Variants in ULK4 observed in about 807,000 individuals in gnomAD.
ULK4 encodes unc-51 like kinase 4, also known as inactive serine/threonine-protein kinase ULK4.
ULK4 carries 133 observed loss-of-function variants against 160.6 expected under a neutral mutation model. The ratio of observed to expected loss-of-function variants is 0.83; its 90% CI spans 0.72 to 0.96. The LOEUF is 0.96. Ranked by LOEUF, ULK4 falls within the 40% of genes least tolerant of loss-of-function variation. The pLI, the probability that ULK4 is intolerant of heterozygous loss-of-function variation, is 0.00. For missense variants in ULK4, 1,580 were observed against 1,499.5 expected, an observed-to-expected ratio of 1.05 and a Z score of -0.89; for synonymous variants, 534 against 539.8, an observed-to-expected ratio of 0.99 and a Z score of 0.15.
chr3:41,352,893 G>C (rs979966395), intron 35 of ULK4, among the ~76,000 whole-genome samples: 3 of 152,044 alleles, frequency 2.0e-5, no homozygotes, highest in African/African-American at 7.2e-5. Flanking sequence ...AAAAAAGCAG[G>C]GCACATGCAT....
At chr3:41,850,726 A>G (rs1330599378) in intron 17 of ULK4, among the ~76,000 whole-genome samples, 2 of 152,114 alleles carry the variant, frequency 1.3e-5, no homozygotes, top group East Asian at 3.9e-4. Context: ...TCAGATGAGT[A>G]GGTTGCAAAA....
At chr3:41,742,254 A>G (rs2038265322) in intron 22 of ULK4, among the ~76,000 whole-genome samples, 1 of 152,000 alleles carries the variant, frequency 6.6e-6, no homozygotes, top group African/African-American at 2.4e-5. Flanking sequence ...TGCAAAGTGG[A>G]AGCAGTAACA....
chr3:41,675,640 C>A (rs1265511936), intron 29 of ULK4, among the ~76,000 whole-genome samples: 2 of 152,048 alleles, frequency 1.3e-5, no homozygotes, highest in Non-Finnish European at 2.9e-5. Context: ...GATTTAGGAT[C>A]GGCCCTAAAT....
intron 35 of ULK4, among the ~76,000 whole-genome samples, chr3:41,367,905 G>A: frequency 6.6e-6 from 1 of 152,028 alleles, no homozygotes; most frequent in East Asian, 1.9e-4. Context: ...ATACATATAT[G>A]TCATGTGTGT....
chr3:41,264,029 A>G (rs1372347910), intron 35 of ULK4, among the ~76,000 whole-genome samples: 2 of 152,212 alleles, frequency 1.3e-5, no homozygotes, highest in Non-Finnish European at 2.9e-5. Flanking sequence ...AGAGAAGAAC[A>G]ATGGTGTGAG....
chr3:41,317,481 T>TGATATTATTGATAAC, intron 35 of ULK4, among the ~76,000 whole-genome samples: 1 of 152,228 alleles, frequency 6.6e-6, no homozygotes, highest in East Asian at 1.9e-4. Flanking sequence ...TTATTGATAA[T>TGATATTATTGATAAC]GATATTATTG....
At chr3:41,570,824 G>C (rs1177108015) in intron 31 of ULK4, among the ~76,000 whole-genome samples, 1 of 152,012 alleles carries the variant, frequency 6.6e-6, no homozygotes, top group Admixed American at 6.6e-5. Flanking sequence ...TCAGGTCCCG[G>C]GACCCCCTGC....
chr3:41,858,147 GTTTTTTT>G (rs71288052), intron 17 of ULK4, among the ~76,000 whole-genome samples: 31 of 92,134 alleles, frequency 3.4e-4, no homozygotes, highest in African/African-American at 1.2e-3. Flanking sequence ...TTTTTTGTTT[GTTTTTTT>G]TTTTTTTTTT....
chr3:41,626,227 T>C (rs2033499323), intron 30 of ULK4, among the ~76,000 whole-genome samples: 1 of 152,214 alleles, frequency 6.6e-6, no homozygotes, highest in Non-Finnish European at 1.5e-5. Flanking sequence ...TTTCACACTC[T>C]AACTCCCTCC....
chr3:41,959,764 C>T (rs1000364682), intron 1 of ULK4, among the ~76,000 whole-genome samples: 1 of 151,406 alleles, frequency 6.6e-6, no homozygotes, highest in African/African-American at 2.4e-5. Context: ...GGTGAGATCC[C>T]GACTCTACAC....
chr3:41,579,023 G>A (rs1433870665), intron 31 of ULK4, among the ~76,000 whole-genome samples: 2 of 152,288 alleles, frequency 1.3e-5, no homozygotes, highest in Non-Finnish European at 2.9e-5. Flanking sequence ...GCTATACGCT[G>A]AGTGTGTAAG....
In ULK4 at chr3:41,711,877, A is replaced by C. The variant is rs539326278; in HGVS notation, c.2634+3360T>G. 2.0e-5 allele frequency among the ~76,000 whole-genome samples: 3 copies of C among 152,326 alleles called. No individual in the cohort carries two copies. In the East Asian group the frequency reaches 5.8e-4, roughly 29 times the overall value. On this transcript the variant is annotated intron_variant, in intron 25 of 36. Coordinates refer to ENST00000301831, the MANE Select transcript of ULK4 (RefSeq NM_017886.4). ...AATTCAATGGAGGACCAAAAGAAGC[A>C]TGGTATTCACCACAGAACTTCCCCA...
At chr3:41,913,618 T>A (rs929105130) in intron 8 of ULK4, among the ~76,000 whole-genome samples, 1 of 152,198 alleles carries the variant, frequency 6.6e-6, no homozygotes, top group Non-Finnish European at 1.5e-5. Context: ...TTACCCTAAC[T>A]GACACATTTA....
intron 30 of ULK4, among the ~76,000 whole-genome samples, chr3:41,617,027 A>G (rs1046768585): frequency 3.9e-5 from 6 of 152,180 alleles, no homozygotes; most frequent in African/African-American, 1.4e-4. Context: ...AGGGCAAAGC[A>G]GCTGTGGCCA....
intron 18 of ULK4, among the ~76,000 whole-genome samples, chr3:41,831,128 A>G (rs1185884053): frequency 6.6e-6 from 1 of 151,902 alleles, no homozygotes; most frequent in Non-Finnish European, 1.5e-5. Flanking sequence ...CGTAGGCTTG[A>G]GCAATCCTCC....
At chr3:41,719,307 A>G (rs1480454569) in intron 22 of ULK4, among the ~76,000 whole-genome samples, 5 of 152,176 alleles carry the variant, frequency 3.3e-5, no homozygotes. Context: ...ATTCCTACCA[A>G]TGATTTAAAT....
At chr3:41,834,166 G>C (rs1311036707) in intron 18 of ULK4, among the ~76,000 whole-genome samples, 1 of 151,798 alleles carries the variant, frequency 6.6e-6, no homozygotes. Context: ...CAGTGTTCTA[G>C]GTTTGTGAAT....
intron 27 of ULK4, among the ~76,000 whole-genome samples, chr3:41,690,142 G>A (rs1201685817): frequency 2.7e-5 from 4 of 146,666 alleles, no homozygotes; most frequent in Non-Finnish European, 6.0e-5. Flanking sequence ...TCCTTTGTAG[G>A]GACATGGATG....
At chr3:41,752,661 G>C (rs1575650974) in intron 22 of ULK4, among the ~76,000 whole-genome samples, 1 of 152,184 alleles carries the variant, frequency 6.6e-6, no homozygotes, top group African/African-American at 2.4e-5. Context: ...ATATGTTCAT[G>C]AGTTGATTTT....
Sources: allele counts gnomAD v4.1 joint callset (sites outside exome capture counted in the v4.1 genomes callset), GRCh38; gene constraint gnomAD v4.1.1; transcripts MANE v1.5; gene names NCBI Gene and HGNC (gene_info 2026-07-23, HGNC 2026-07-21).